The following FOXP1 variants were observed in gnomAD, a reference collection of about 807,000 sequenced individuals.
FOXP1 encodes forkhead box P1, also known as forkhead box protein P1.
Under a neutral mutation model 98.2 loss-of-function variants are expected in FOXP1, and 15 were observed. The ratio of observed to expected loss-of-function variants is 0.15; its 90% CI spans 0.10 to 0.24. The LOEUF is 0.24. Ranked by LOEUF, FOXP1 falls within the 10% of genes least tolerant of loss-of-function variation. FOXP1 has a pLI of 1.00. For missense variants in FOXP1, 633 were observed against 848.5 expected (o/e 0.75, Z 3.15); for synonymous variants, 371 against 314.5 (o/e 1.18, Z -1.90).
chr3:71,291,852 G>T (rs1298208327), intron 5 of FOXP1, among the ~76,000 whole-genome samples: 1 of 151,582 alleles, frequency 6.6e-6, no homozygotes, highest in Admixed American at 6.6e-5. Context: ...GACTACAGGT[G>T]TGCGCCACCA....
rs779949151 is a variant in FOXP1 at position 71,397,049 on chromosome 3, C to CAT, written c.-167-37806_-167-37805insAT. On this transcript the variant is annotated intron_variant, in intron 3 of 20. Transcript: ENST00000649528. Reference sequence around the variant, plus strand: ...ACATATATATGTGTATATATATATACACATATATATGTGTATATATATATA... The same window carrying CAT: ...ACATATATATGTGTATATATATATACATACATATATATGTGTATATATATATA... Among the ~76,000 whole-genome samples, 10 of 41,396 alleles carry CAT rather than the reference C, an allele frequency of 2.4e-4. 1 individual carries two copies. The highest frequency in any genetic ancestry group is 1.1e-3 in the African/African-American group (10 of 8,870). The allele number at this position is 41,396 out of a possible 152,430, so 27.2% of individuals were successfully genotyped here. A position where few individuals can be genotyped will look rare whatever the true frequency, so the allele number is the denominator to read the frequency against.
At chr3:71,237,998 GT>G (rs966332015) in intron 5 of FOXP1, among the ~76,000 whole-genome samples, 37 of 152,342 alleles carry the variant, frequency 2.4e-4, no homozygotes, top group African/African-American at 6.7e-4. Context: ...GAGATTCTCA[GT>G]TACTTAAGGC....
intron 6 of FOXP1, among the ~76,000 whole-genome samples, chr3:71,158,446 C>A (rs1478770245): frequency 6.6e-6 from 1 of 152,086 alleles, no homozygotes; most frequent in Admixed American, 6.5e-5. Context: ...CTCTGAGGCA[C>A]TCATCCTAAG....
At chr3:71,021,464 C>T (rs2107795757) in intron 11 of FOXP1, among the ~76,000 whole-genome samples, 1 of 152,290 alleles carries the variant, frequency 6.6e-6, no homozygotes, top group Admixed American at 6.5e-5. Flanking sequence ...TGGGCTATTT[C>T]CACATTTTGG....
chr3:71,442,506 G>A (rs2086030569), intron 3 of FOXP1, among the ~76,000 whole-genome samples: 1 of 152,150 alleles, frequency 6.6e-6, no homozygotes. Context: ...ATTCATGCAA[G>A]TCTCGCGCAG....
At chr3:71,482,361 C>T (rs769456863) in intron 3 of FOXP1, among the ~76,000 whole-genome samples, 15 of 140,006 alleles carry the variant, frequency 1.1e-4, no homozygotes, top group Non-Finnish European at 2.1e-4. Context: ...AAAAATAATA[C>T]ATAACCTTTT....
chr3:71,581,254 G>A lies in FOXP1; in HGVS notation c.-298+295C>T, dbSNP rs372537967. On this transcript the variant is annotated intron_variant, in intron 2 of 20. Transcript: ENST00000649528. ...TTAATAGTTATAAGAGGGGAGTGGG[G>A]TGAGAAGGGGGGCGAGGATGTCACC... is the stretch of plus-strand genomic sequence containing the variant. 38 of 985,378 alleles carry A rather than the reference G, an allele frequency of 3.9e-5. No individual in the cohort carries two copies. In the East Asian group the frequency reaches 1.7e-3, roughly 44 times the overall value. The allele number at this position is 985,378 out of a possible 1,614,324, so 61.0% of individuals were successfully genotyped here. A position where few individuals can be genotyped will look rare whatever the true frequency, so the allele number is the denominator to read the frequency against.
chr3:71,321,409 A>T (rs2075384920), intron 4 of FOXP1, among the ~76,000 whole-genome samples: 1 of 152,158 alleles, frequency 6.6e-6, no homozygotes, highest in Non-Finnish European at 1.5e-5. Flanking sequence ...CCCCAGACTC[A>T]AGAAATGGTG....
intron 6 of FOXP1, among the ~76,000 whole-genome samples, chr3:71,116,106 G>A (rs1275377912): frequency 1.3e-5 from 2 of 152,140 alleles, no homozygotes; most frequent in Non-Finnish European, 2.9e-5. Flanking sequence ...TAGAACTTAA[G>A]TTTTCAACAA....
At chr3:71,432,831 G>T (rs1290069336) in intron 3 of FOXP1, among the ~76,000 whole-genome samples, 2 of 136,730 alleles carry the variant, frequency 1.5e-5, no homozygotes, top group Non-Finnish European at 3.1e-5. Context: ...ACACTGACAG[G>T]AAATGTGAAC....
chr3:71,561,545 T>C (rs1329439490), intron 2 of FOXP1, among the ~76,000 whole-genome samples: 1 of 152,174 alleles, frequency 6.6e-6, no homozygotes, highest in Non-Finnish European at 1.5e-5. Flanking sequence ...TTAACCTCTC[T>C]GGAACTCAGT....
intron 7 of FOXP1, among the ~76,000 whole-genome samples, chr3:71,102,121 C>G (rs1244713120): frequency 6.6e-6 from 1 of 152,044 alleles, no homozygotes; most frequent in Non-Finnish European, 1.5e-5. Context: ...CTGAAGTCCA[C>G]CAAAAGTTCA....
At chr3:71,294,385 C>T (rs942235135) in intron 5 of FOXP1, among the ~76,000 whole-genome samples, 3 of 152,072 alleles carry the variant, frequency 2.0e-5, no homozygotes, top group South Asian at 2.1e-4. Context: ...ACACATAATT[C>T]CCGACACCCT....
chr3:71,215,956 G>C (rs2064882323), intron 5 of FOXP1, among the ~76,000 whole-genome samples: 1 of 152,212 alleles, frequency 6.6e-6, no homozygotes, highest in African/African-American at 2.4e-5. Context: ...TGTATATGCA[G>C]TTTGTTGAAG....
intron 5 of FOXP1, among the ~76,000 whole-genome samples, chr3:71,240,914 T>C (rs912019278): frequency 2.0e-5 from 3 of 151,756 alleles, no homozygotes; most frequent in Non-Finnish European, 4.4e-5. Context: ...TCAAGCTAAA[T>C]TAAACTTTTA....
At chr3:71,014,564 C>G (rs1308605891) in intron 12 of FOXP1, among the ~76,000 whole-genome samples, 1 of 152,186 alleles carries the variant, frequency 6.6e-6, no homozygotes, top group Non-Finnish European at 1.5e-5. Flanking sequence ...CTAGTACAAC[C>G]ATTGTGGAAG....
At chr3:71,280,830 G>C (rs553393134) in intron 5 of FOXP1, among the ~76,000 whole-genome samples, 51 of 151,852 alleles carry the variant, frequency 3.4e-4, no homozygotes, top group Non-Finnish European at 6.5e-4. Flanking sequence ...GTTTGCTTTC[G>C]TATTTATGTT....
intron 6 of FOXP1, chr3:71,197,942 T>G (rs2108377699): frequency 1.2e-6 from 2 of 1,614,206 alleles, no homozygotes; most frequent in Middle Eastern, 1.6e-4. Context: ...ACAGGTCCAC[T>G]CATCTTCGTC....
chr3:71,555,170 G>C (rs888326796), intron 2 of FOXP1, among the ~76,000 whole-genome samples: 1 of 152,126 alleles, frequency 6.6e-6, no homozygotes, highest in Non-Finnish European at 1.5e-5. Flanking sequence ...CACTCAGACT[G>C]CTTCTTTACA....
Sources: allele counts gnomAD v4.1 joint callset (sites outside exome capture counted in the v4.1 genomes callset), GRCh38; gene constraint gnomAD v4.1.1; transcripts MANE v1.5; gene names NCBI Gene and HGNC (gene_info 2026-07-23, HGNC 2026-07-21).